Variants in UVRAG observed in about 807,000 individuals in gnomAD.
The protein encoded by UVRAG is UV radiation resistance-associated gene protein.
UVRAG carries 19 observed loss-of-function variants against 78.0 expected under a neutral mutation model. That is an observed-to-expected ratio of 0.24 (90% CI 0.17 to 0.36). The LOEUF is 0.36. UVRAG is among the 10% of genes least tolerant of loss of function. UVRAG has a pLI of 1.00. For missense variants in UVRAG, 740 were observed against 853.8 expected, an observed-to-expected ratio of 0.87 and a Z score of 1.66; for synonymous variants, 323 against 324.6, an observed-to-expected ratio of 1.00 and a Z score of 0.05.
At chr11:75,971,258 C>T (rs944272278) in intron 7 of UVRAG, among the ~76,000 whole-genome samples, 1 of 152,164 alleles carries the variant, frequency 6.6e-6, no homozygotes, top group Non-Finnish European at 1.5e-5. Flanking sequence ...TGAAGTATAT[C>T]TTGGTTGCTT....
chr11:75,904,904 A>G (rs1301757032), intron 5 of UVRAG, among the ~76,000 whole-genome samples: 1 of 152,132 alleles, frequency 6.6e-6, no homozygotes, highest in Non-Finnish European at 1.5e-5. Context: ...GTTGCATCTC[A>G]TTTTATAATT....
chr11:76,106,092 A>G (rs1224225778), intron 13 of UVRAG, among the ~76,000 whole-genome samples: 3 of 152,252 alleles, frequency 2.0e-5, no homozygotes, highest in Admixed American at 6.5e-5. Flanking sequence ...GAAACAACCC[A>G]GATGTCCCTC....
chr11:75,979,009 A>G (rs963021926), intron 7 of UVRAG, among the ~76,000 whole-genome samples: 7 of 152,108 alleles, frequency 4.6e-5, no homozygotes, highest in African/African-American at 1.4e-4. Flanking sequence ...TTGTGGTTTT[A>G]TCTACCTTTG....
rs908802093 is a variant in UVRAG, at chr11:75,878,360, G to T, written c.271-1519G>T. 32 of 170,844 alleles carry T rather than the reference G, an allele frequency of 1.9e-4. No homozygotes were observed. In the Middle Eastern group the frequency reaches 7.8e-3, roughly 41 times the overall value. The allele number at this position is 170,844 out of a possible 1,614,324, so 10.6% of individuals were successfully genotyped here. ...GATGGGATGGCGGCCGGGCAGAGAC[G>T]CTCCTCACTTTCCAGACTGGGCAGC... On this transcript the variant is annotated intron_variant, in intron 3 of 14. Transcript: ENST00000356136.
intron 7 of UVRAG, among the ~76,000 whole-genome samples, chr11:75,969,938 C>CTATTTATT (rs1183636571): frequency 7.2e-5 from 11 of 152,168 alleles, no homozygotes; most frequent in African/African-American, 2.7e-4. Context: ...TCCTGGTAAC[C>CTATTTATT]TATTTATTTA....
chr11:75,847,726 C>G (rs1239160486), intron 1 of UVRAG, among the ~76,000 whole-genome samples: 1 of 151,960 alleles, frequency 6.6e-6, no homozygotes, highest in Non-Finnish European at 1.5e-5. Flanking sequence ...AATCCCAGCA[C>G]TTTTGGGAGG....
intron 6 of UVRAG, among the ~76,000 whole-genome samples, chr11:75,933,951 A>C (rs1256131766): frequency 6.6e-6 from 1 of 152,180 alleles, no homozygotes; most frequent in Non-Finnish European, 1.5e-5. Context: ...GAGGTTCCTC[A>C]AAAAAACTAA....
At chr11:75,837,771 A>C (rs572529788) in intron 1 of UVRAG, 8 of 152,334 alleles carry the variant, frequency 5.3e-5, no homozygotes, top group African/African-American at 1.7e-4. Flanking sequence ...TACCATCTAC[A>C]TTCTCATGCC....
Position 76,004,075 on chromosome 11 carries a change from G to C in UVRAG, c.897G>C (p.Glu299Asp), listed in dbSNP as rs778639552. The part of the protein sequence containing the change: ...QKESLNELRK[E>D]CTAKRELFLK... ...AATCCCTAAATGAGCTGAGGAAGGA[G>C]TGCACTGCAAAAAGGTAAATGCACA... Residue 299 changes from glutamate (E) to aspartate (D), a missense_variant, in exon 9 of 15, where the codon GAG (glutamate) becomes GAC (aspartate). Physicochemically the swap from Glu to Asp is conservative, Grantham distance 45 (BLOSUM62 2). Coordinates refer to ENST00000356136, the MANE Select transcript of UVRAG (RefSeq NM_003369.4). The C allele has an allele frequency of 6.2e-7, 1 of 1,613,888 alleles. No homozygotes were observed. Among genetic ancestry groups the C allele is most frequent in the Non-Finnish European group, 8.5e-7 (1 of 1,179,860 alleles).
rs142084952 is a variant in UVRAG at position 76,078,844 on chromosome 11, A to G, written c.1305+13056A>G. ...CTCAGGAGGCTGAGGCAGGAGAATG[A>G]TGTGAACCCAGGAGGCGGAGCTGGC... On this transcript the variant is annotated intron_variant, in intron 13 of 14. Coordinates refer to ENST00000356136, the MANE Select transcript of UVRAG (RefSeq NM_003369.4). Among the ~76,000 whole-genome samples, 1,055 of 150,498 alleles carry G rather than the reference A, an allele frequency of 7.0e-3. 16 individuals are homozygous for G. Among genetic ancestry groups the G allele is most frequent in the African/African-American group, 0.025 (1,006 of 41,016 alleles).
intron 11 of UVRAG, among the ~76,000 whole-genome samples, chr11:76,011,627 AC>A (rs2135355641): frequency 6.6e-6 from 1 of 152,294 alleles, no homozygotes; most frequent in Non-Finnish European, 1.5e-5. Flanking sequence ...CTGTCTAAAA[AC>A]AAAAACAAAC....
chr11:75,892,169 T>C (rs981612757), intron 5 of UVRAG, among the ~76,000 whole-genome samples: 1 of 152,174 alleles, frequency 6.6e-6, no homozygotes, highest in African/African-American at 2.4e-5. Flanking sequence ...AAAGTTTGTA[T>C]GCGTGGTTAG....
intron 7 of UVRAG, among the ~76,000 whole-genome samples, chr11:75,968,319 T>A (rs185260733): frequency 4.6e-5 from 7 of 152,286 alleles, no homozygotes; most frequent in Admixed American, 4.6e-4. Flanking sequence ...TGTAATCTAT[T>A]GGCGAAATAT....
At chr11:75,823,770 A>G (rs796950042) in intron 1 of UVRAG, among the ~76,000 whole-genome samples, 6 of 152,300 alleles carry the variant, frequency 3.9e-5, no homozygotes, top group African/African-American at 1.2e-4. Context: ...ATCAGGCTTT[A>G]TATTTTATTT....
At chr11:76,032,281 A>G (rs1045136536) in intron 12 of UVRAG, among the ~76,000 whole-genome samples, 1 of 152,182 alleles carries the variant, frequency 6.6e-6, no homozygotes, top group Non-Finnish European at 1.5e-5. Context: ...TTTAATCCAG[A>G]TAGTTTTAAC....
intron 12 of UVRAG, among the ~76,000 whole-genome samples, chr11:76,048,807 T>C (rs553871081): frequency 1.3e-5 from 2 of 152,378 alleles, no homozygotes; most frequent in South Asian, 2.1e-4. Flanking sequence ...CTTTTTATGA[T>C]AGATGATCTA....
intron 7 of UVRAG, among the ~76,000 whole-genome samples, chr11:75,977,566 G>A (rs1043325495): frequency 6.6e-6 from 1 of 152,170 alleles, no homozygotes; most frequent in South Asian, 2.1e-4. Context: ...TGTATTGGGT[G>A]CATATATATT....
intron 1 of UVRAG, among the ~76,000 whole-genome samples, chr11:75,821,623 A>G (rs1315199063): frequency 6.6e-6 from 1 of 152,168 alleles, no homozygotes; most frequent in Non-Finnish European, 1.5e-5. Flanking sequence ...AGCATGAGCC[A>G]CCACACCCAG....
chr11:75,897,494 G>C (rs886280054), intron 5 of UVRAG, among the ~76,000 whole-genome samples: 93 of 152,200 alleles, frequency 6.1e-4, no homozygotes, highest in African/African-American at 2.2e-3. Context: ...TGCTACAGAT[G>C]ATAACTTAGA....
Sources: allele counts gnomAD v4.1 joint callset (sites outside exome capture counted in the v4.1 genomes callset), GRCh38; gene constraint gnomAD v4.1.1; transcripts MANE v1.5; gene names NCBI Gene and HGNC (gene_info 2026-07-23, HGNC 2026-07-21).